The following IGSF21 variants were observed in gnomAD, a reference collection of about 807,000 sequenced individuals.
IGSF21 encodes the protein immunoglobulin superfamily member 21.
In IGSF21, 28 loss-of-function variants were observed where a neutral mutation model predicts 46.8. The ratio of observed to expected loss-of-function variants is 0.60; its 90% CI spans 0.44 to 0.82. The LOEUF is 0.82. Among genes scored for constraint, IGSF21 ranks in the 40% least tolerant of loss-of-function variants. The pLI, the probability that IGSF21 is intolerant of heterozygous loss-of-function variation, is 0.00. For missense variants in IGSF21, 624 were observed against 665.5 expected (o/e 0.94, Z 0.69); for synonymous variants, 284 against 273.6 (o/e 1.04, Z -0.38).
rs373750025 is a variant in IGSF21 at position 18,363,219 on chromosome 1, G to A, written c.540+989G>A. On this transcript the variant is annotated intron_variant, in intron 5 of 9. Transcript: ENST00000251296. ...TTTGGGTCTTGATCCTGTGAGTTTC[G>A]CACAGTACTAGGATTTAGCAAGGTG... Among the ~76,000 whole-genome samples, 8 of 152,212 alleles carry A rather than the reference G, an allele frequency of 5.3e-5. No individual in the cohort carries two copies. In the South Asian group the frequency reaches 6.2e-4, roughly 12 times the overall value.
chr1:18,192,846 T>A (rs377218131), intron 1 of IGSF21, among the ~76,000 whole-genome samples: 2 of 152,178 alleles, frequency 1.3e-5, no homozygotes, highest in East Asian at 3.9e-4. Context: ...AACGTGAATA[T>A]CCTTTGAAAG....
At chr1:18,135,667 G>A (rs1447559809) in intron 1 of IGSF21, among the ~76,000 whole-genome samples, 1 of 152,140 alleles carries the variant, frequency 6.6e-6, no homozygotes, top group Non-Finnish European at 1.5e-5. Context: ...ATCATTGTTG[G>A]ACATTTGGGT....
chr1:18,331,009 C>A (rs2085707204), intron 3 of IGSF21, among the ~76,000 whole-genome samples: 1 of 152,230 alleles, frequency 6.6e-6, no homozygotes, highest in East Asian at 1.9e-4. Context: ...GGTTTTGGCA[C>A]ATGTTACTAC....
At chr1:18,138,394 C>T (rs2086386155) in intron 1 of IGSF21, among the ~76,000 whole-genome samples, 1 of 152,130 alleles carries the variant, frequency 6.6e-6, no homozygotes. Flanking sequence ...TGGGGTCTAG[C>T]ACGGGGGACC....
chr1:18,326,082 G>A (rs751554640), intron 3 of IGSF21, among the ~76,000 whole-genome samples: 2 of 151,120 alleles, frequency 1.3e-5, no homozygotes, highest in Non-Finnish European at 2.9e-5. Flanking sequence ...CCTTTTCCAT[G>A]TGTCTTATTA....
intron 1 of IGSF21, among the ~76,000 whole-genome samples, chr1:18,162,594 G>A (rs1283738990): frequency 6.6e-6 from 1 of 152,142 alleles, no homozygotes; most frequent in African/African-American, 2.4e-5. Flanking sequence ...GCACGTTTCA[G>A]GTCAGCTAGG....
intron 1 of IGSF21, among the ~76,000 whole-genome samples, chr1:18,142,402 C>T (rs1405868084): frequency 2.0e-5 from 3 of 152,202 alleles, no homozygotes; most frequent in Non-Finnish European, 4.4e-5. Context: ...CTTGTTCCGC[C>T]TTTGCCACAT....
At chr1:18,156,001 G>A (rs932136232) in intron 1 of IGSF21, among the ~76,000 whole-genome samples, 1 of 152,236 alleles carries the variant, frequency 6.6e-6, no homozygotes, top group Non-Finnish European at 1.5e-5. Flanking sequence ...TAATTATGAT[G>A]TGCCACCGGC....
At chr1:18,228,548 C>A (rs1569577954) in intron 2 of IGSF21, among the ~76,000 whole-genome samples, 1 of 152,186 alleles carries the variant, frequency 6.6e-6, no homozygotes, top group African/African-American at 2.4e-5. Context: ...CAGGTGTTGG[C>A]ACCAGGAAGA....
At chr1:18,232,271 T>C (rs1331634474) in intron 2 of IGSF21, among the ~76,000 whole-genome samples, 1 of 145,204 alleles carries the variant, frequency 6.9e-6, no homozygotes, top group African/African-American at 2.6e-5. Context: ...GGCTGTCAGC[T>C]AATAACTAAT....
chr1:18,150,133 A>C (rs2086508582), intron 1 of IGSF21, among the ~76,000 whole-genome samples: 2 of 152,092 alleles, frequency 1.3e-5, no homozygotes, highest in South Asian at 4.1e-4. Context: ...TATGCCTGTA[A>C]TCCCAGCTAC....
intron 3 of IGSF21, among the ~76,000 whole-genome samples, chr1:18,330,696 T>C (rs2085704276): frequency 6.6e-6 from 1 of 152,040 alleles, no homozygotes; most frequent in Non-Finnish European, 1.5e-5. Context: ...TAGCTAGAGA[T>C]GTAGAAGGAA....
chr1:18,265,088 T>G (rs2084978132), intron 2 of IGSF21, among the ~76,000 whole-genome samples: 1 of 152,254 alleles, frequency 6.6e-6, no homozygotes, highest in East Asian at 1.9e-4. Flanking sequence ...TGTTCTATTT[T>G]TTGTAATTCA....
chr1:18,148,297 A>T (rs1440737484), intron 1 of IGSF21, among the ~76,000 whole-genome samples: 1 of 151,188 alleles, frequency 6.6e-6, no homozygotes, highest in African/African-American at 2.4e-5. Context: ...TGCCCAGCTA[A>T]TTTTTTTTGT....
chr1:18,350,599 G>C (rs1425878159), intron 4 of IGSF21, among the ~76,000 whole-genome samples: 3 of 152,164 alleles, frequency 2.0e-5, no homozygotes, highest in African/African-American at 4.8e-5. Context: ...CTGTTTGGTA[G>C]GTTTGGAAAT....
chr1:18,127,524 G>C (rs2086283925), intron 1 of IGSF21, among the ~76,000 whole-genome samples: 1 of 152,086 alleles, frequency 6.6e-6, no homozygotes, highest in Non-Finnish European at 1.5e-5. Context: ...GGCCTACTTA[G>C]GTCTGAATGA....
intron 1 of IGSF21, among the ~76,000 whole-genome samples, chr1:18,121,359 C>T (rs11261050): frequency 0.28 from 42,970 of 152,104 alleles, 7,273 homozygotes; most frequent in East Asian, 0.63. Context: ...CTTCCACCGG[C>T]AGTCCTCTTA....
chr1:18,360,356 G>T (rs1172411441), intron 4 of IGSF21, among the ~76,000 whole-genome samples: 1 of 152,104 alleles, frequency 6.6e-6, no homozygotes, highest in Admixed American at 6.5e-5. Context: ...AGCATGGGTT[G>T]GCTCCCTGAA....
intron 1 of IGSF21, among the ~76,000 whole-genome samples, chr1:18,145,521 G>T (rs1419886605): frequency 6.6e-6 from 1 of 152,144 alleles, no homozygotes; most frequent in East Asian, 1.9e-4. Flanking sequence ...CTGGCACTGG[G>T]CCCTGGGACA....
Sources: gnomAD v4.1 joint callset for allele counts (sites outside exome capture counted in the v4.1 genomes callset) on GRCh38, gnomAD v4.1.1 for gene constraint, MANE v1.5 for transcripts, NCBI Gene and HGNC (gene_info 2026-07-23, HGNC 2026-07-21) for gene names.